DUT: variants seen among roughly 807,000 people sequenced by gnomAD.
DUT encodes the protein deoxyuridine 5'-triphosphate nucleotidohydrolase, mitochondrial.
DUT carries 21 observed loss-of-function variants against 28.8 expected under a neutral mutation model. The ratio of observed to expected loss-of-function variants is 0.73; its 90% CI spans 0.52 to 1.05. The LOEUF (loss-of-function observed/expected upper bound fraction) is 1.05. Among genes scored for constraint, DUT ranks in the 50% least tolerant of loss-of-function variants. The pLI is 0.00. For missense variants in DUT, 344 were observed against 351.8 expected (o/e 0.98, Z 0.18); for synonymous variants, 147 against 143.7 (o/e 1.02, Z -0.17).
At chr15:48,336,474 ATTTGTTAAGACAGTCC>A (rs1170947620) in intron 4 of DUT, among the ~76,000 whole-genome samples, 1 of 152,188 alleles carries the variant, frequency 6.6e-6, no homozygotes, top group African/African-American at 2.4e-5. Context: ...TTTTCTCTAA[ATTTGTTAAGACAGTCC>A]TCTGTGTTAC....
intron 2 of DUT, chr15:48,332,767 C>T (rs2081809565): frequency 3.9e-6 from 2 of 511,180 alleles, no homozygotes; most frequent in Admixed American, 4.5e-5. Flanking sequence ...CGTGAAAATA[C>T]CTAAGAAGGA....
At chr15:48,333,557 G>T (rs1489782304) in intron 2 of DUT, among the ~76,000 whole-genome samples, 1 of 152,226 alleles carries the variant, frequency 6.6e-6, no homozygotes, top group Non-Finnish European at 1.5e-5. Flanking sequence ...GAAAGAAGGG[G>T]TAGTACTGCT....
chr15:48,331,166 C>T (rs1362207789), upstream of DUT: 4 of 1,413,164 alleles, frequency 2.8e-6, no homozygotes, highest in South Asian at 1.5e-5. Context: ...GCCCGGGAGT[C>T]ATGGCTGCGG....
intron 5 of DUT, 65 bp from the exon 6 acceptor site, chr15:48,341,450 T>C (rs2141169402): frequency 1.3e-6 from 2 of 1,566,004 alleles, no homozygotes; most frequent in East Asian, 2.2e-5. Context: ...TTAATTCTCA[T>C]TGAATAAGAC....
At chr15:48,331,183 C>T, upstream of DUT, 1 of 1,518,140 alleles carries the variant, frequency 6.6e-7, no homozygotes, top group Non-Finnish European at 8.8e-7. Flanking sequence ...GCGGGCGGTG[C>T]CGCCCCAGGT....
Position 48,332,422 on chromosome 15 carries a change from C to T in DUT, c.419+16C>T, listed in dbSNP as rs758266182. ...ACCTGTACAGGTGAGCGGGGACCTGCCGGCGAGGAGGCTGGGAAGGGCCGG... is the reference window on the plus strand; with the variant it reads ...ACCTGTACAGGTGAGCGGGGACCTGTCGGCGAGGAGGCTGGGAAGGGCCGG... On this transcript the variant is annotated intron_variant, in intron 2 of 6. Coordinates refer to ENST00000331200, the MANE Select transcript of DUT (RefSeq NM_001025248.2). 3 of 1,526,482 alleles carry T rather than the reference C, an allele frequency of 2.0e-6. No individual in the cohort carries two copies. Among genetic ancestry groups the T allele is most frequent in the Non-Finnish European group, 2.6e-6 (3 of 1,143,624 alleles). The allele number at this position is 1,526,482 out of a possible 1,614,324, so 94.6% of individuals were successfully genotyped here.
chr15:48,332,082 G>T, intron 1 of DUT, 186 bp from the exon 2 acceptor site: 1 of 1,303,162 alleles, frequency 7.7e-7, no homozygotes, highest in Non-Finnish European at 1.0e-6. Context: ...AACCCAAAAT[G>T]TGAATCCCGC....
At chr15:48,339,469 T>C (rs925494355) in intron 4 of DUT, among the ~76,000 whole-genome samples, 2 of 152,200 alleles carry the variant, frequency 1.3e-5, no homozygotes. Flanking sequence ...GGCCATTTTT[T>C]CTAGCATGGA....
At chr15:48,339,346 T>C (rs2042508313) in intron 4 of DUT, among the ~76,000 whole-genome samples, 1 of 152,184 alleles carries the variant, frequency 6.6e-6, no homozygotes, top group Non-Finnish European at 1.5e-5. Flanking sequence ...TTGAATAAAG[T>C]AGAAACAATA....
Position 48,331,622 on chromosome 15 carries a change from C to T in DUT, c.107C>T (p.Ala36Val). The change falls in exon 1 of 7, where the codon GCG (alanine) becomes GTG (valine). Residue 36 changes from alanine to valine, a missense_variant. Physicochemically the swap from Ala to Val is moderately conservative, Grantham distance 64. Transcript: ENST00000331200. The part of the protein sequence containing the change: ...ARGARQRAEA[A>V]VLSGPGPPLG... ...GGCGCACGGCAGAGGGCCGAAGCCG[C>T]GGTACTCTCCGGGCCAGGCCCGCCC... 1.9e-6 allele frequency: 3 copies of T among 1,550,582 alleles called. No homozygotes were observed. Among genetic ancestry groups the T allele is most frequent in the South Asian group, 1.2e-5 (1 of 83,976 alleles).
chr15:48,331,315 C>T, upstream of DUT: 7 of 1,441,430 alleles, frequency 4.9e-6, no homozygotes, highest in South Asian at 1.5e-5. Flanking sequence ...AGACTCAAGA[C>T]GCCAACGGCG....
chr15:48,332,353 C>A lies in DUT; in HGVS notation c.366C>A (p.His122Gln). Residue 122 changes from histidine to glutamine, a missense_variant, in exon 2 of 7, where the codon CAC becomes CAA. By Grantham distance (24) the His-to-Gln change is conservative. Coordinates refer to ENST00000331200, the MANE Select transcript of DUT (RefSeq NM_001025248.2). ...TCCGCTTTGCCCGGCTCTCCGAGCA[C>A]GCCACGGCCCCCACCCGGGGCTCCG... ...MQLRFARLSE[H>Q]ATAPTRGSAR... 1 of 1,603,034 alleles carries A rather than the reference C, an allele frequency of 6.2e-7. No homozygotes were observed.
In DUT at chr15:48,341,271, TA is replaced by T; in HGVS notation, c.557-17del. 1.3e-6 allele frequency: 2 copies of T among 1,523,206 alleles called. No homozygotes were observed. Among genetic ancestry groups the T allele is most frequent in the Non-Finnish European group, 1.8e-6 (2 of 1,119,422 alleles). The allele number at this position is 1,523,206 out of a possible 1,614,324, so 94.4% of individuals were successfully genotyped here. A position where few individuals can be genotyped will look rare whatever the true frequency, so the allele number is the denominator to read the frequency against. On this transcript the variant is annotated splice_polypyrimidine_tract_variant and intron_variant, in intron 4 of 6. Transcript: ENST00000331200. ...CCAATAGCAAAAATTGAGATAATATTACTTTTCTTTTCTCTAGCTGGTGTCA... is the reference window on the plus strand; with the variant it reads ...CCAATAGCAAAAATTGAGATAATATTCTTTTCTTTTCTCTAGCTGGTGTCA...
intron 4 of DUT, among the ~76,000 whole-genome samples, chr15:48,340,476 G>A (rs533780951): frequency 1.2e-4 from 19 of 152,136 alleles, no homozygotes; most frequent in South Asian, 2.1e-4. Flanking sequence ...GAAAAGGCCC[G>A]GTGCACCTGT....
chr15:48,331,698 C>CCAG lies in DUT; in HGVS notation c.184_185insAGC (p.Gly61_Arg62insGln). 6.6e-7 allele frequency: 1 copy of CCAG among 1,517,858 alleles called. No individual in the cohort carries two copies. The highest frequency in any genetic ancestry group is 8.8e-7 in the Non-Finnish European group (1 of 1,134,014). 94.0% of individuals were successfully genotyped at this position (1,517,858 alleles called of 1,614,324 possible). ...TTCCCCGGCCGCTGTCCAGCGCTGG[C>CCAG]CGCCTGAGCCAAGGCTGCCGCGGAG... On this transcript the variant is annotated inframe_insertion, in exon 1 of 7. Coordinates refer to ENST00000331200, the MANE Select transcript of DUT (RefSeq NM_001025248.2).
At position 48,342,136 on chromosome 15, in the gene DUT, A is replaced by AG; in HGVS notation, c.*58_*59insG. The AG allele has an allele frequency of 1.5e-6, 2 of 1,320,064 alleles. No homozygotes were observed. Among genetic ancestry groups the AG allele is most frequent in the Non-Finnish European group, 2.0e-6 (2 of 980,656 alleles). The allele number at this position is 1,320,064 out of a possible 1,614,324, so 81.8% of individuals were successfully genotyped here. A position where few individuals can be genotyped will look rare whatever the true frequency, so the allele number is the denominator to read the frequency against. On this transcript the variant is annotated 3_prime_UTR_variant, in exon 7 of 7. Coordinates refer to ENST00000331200, the MANE Select transcript of DUT (RefSeq NM_001025248.2). ...TACCTTTTTCTTAAAAAAAAAAAAA[A>AG]AGTTTTTGCTTCAAGTGTTTTGGTG...
In DUT at chr15:48,331,742, C is replaced by A. The variant is rs2042413189; in HGVS notation, c.227C>A (p.Ala76Asp). 9 of 1,435,776 alleles carry A rather than the reference C, an allele frequency of 6.3e-6. No homozygotes were observed. The highest frequency in any genetic ancestry group is 8.2e-6 in the Non-Finnish European group (9 of 1,096,334). 88.9% of individuals were successfully genotyped at this position (1,435,776 alleles called of 1,614,324 possible). A position where few individuals can be genotyped will look rare whatever the true frequency, so the allele number is the denominator to read the frequency against. Reference sequence around the variant, plus strand: ...CGCGGAGCCAGTACAGTCGGGGCCGCTGGCTGGAAGGGCGAGCTTCCTAAG... The same window carrying A: ...CGCGGAGCCAGTACAGTCGGGGCCGATGGCTGGAAGGGCGAGCTTCCTAAG... ...GCRGASTVGAAGWKGELPKAG... is the reference protein window; with the variant it reads ...GCRGASTVGADGWKGELPKAG... The change falls in exon 1 of 7, where the codon GCT (alanine) becomes GAT (aspartate). Residue 76 changes from alanine (A) to aspartate (D), a missense_variant. Coordinates refer to ENST00000331200, the MANE Select transcript of DUT (RefSeq NM_001025248.2).
At position 48,341,471 on chromosome 15, in the gene DUT, G is replaced by A. The variant is rs186137786; in HGVS notation, c.632-44G>A. The A allele has an allele frequency of 1.3e-5, 21 of 1,586,776 alleles. No homozygotes were observed. The Admixed American group carries it at 1.3e-4, about 10-fold the overall frequency. On this transcript the variant is annotated intron_variant, in intron 5 of 6. Transcript: ENST00000331200. Reference sequence around the variant, plus strand: ...CTCATTGAATAAGACAGGATATGGCGAATGTGTCAGTAACGTCAGTAATAA... The same window carrying A: ...CTCATTGAATAAGACAGGATATGGCAAATGTGTCAGTAACGTCAGTAATAA...
intron 4 of DUT, among the ~76,000 whole-genome samples, chr15:48,339,920 G>C (rs757166477): frequency 6.6e-6 from 1 of 152,060 alleles, no homozygotes; most frequent in Admixed American, 6.5e-5. Context: ...ATTTTTCCCC[G>C]TGGTGGACCT....
Sources: gnomAD v4.1 joint callset for allele counts (sites outside exome capture counted in the v4.1 genomes callset) on GRCh38, gnomAD v4.1.1 for gene constraint, MANE v1.5 for transcripts, NCBI Gene and HGNC (gene_info 2026-07-23, HGNC 2026-07-21) for gene names.